The following DHRS9 variants were observed in gnomAD, a reference collection of about 807,000 sequenced individuals.
DHRS9 encodes dehydrogenase/reductase SDR family member 9.
A neutral mutation model predicts 26.6 loss-of-function variants in DHRS9; 18 were observed. The observed-to-expected ratio is 0.68, with a 90% confidence interval of 0.47 to 1.00. The LOEUF (loss-of-function observed/expected upper bound fraction) is 1.00, where lower values mean the gene tolerates loss of function less well. Among genes scored for constraint, DHRS9 ranks in the 50% least tolerant of loss-of-function variants. The probability of loss-of-function intolerance (pLI) is 0.00; values close to 1 mark genes in which losing one functional copy is unlikely to be tolerated. For synonymous variants in DHRS9, 134 were observed against 141.1 expected (o/e 0.95, Z 0.36); for missense variants, 425 against 378.7 (o/e 1.12, Z -1.01).
rs534007661 is a variant in DHRS9 at position 169,092,063 on chromosome 2, G to T, written c.736+110G>T. On this transcript the variant is annotated intron_variant, in intron 4 of 4. Coordinates refer to ENST00000674881, the MANE Select transcript of DHRS9 (RefSeq NM_001376924.1). ...AGGTTCTGAGTAATACCCCAATAAG[G>T]ATCTTAACCATGGATCAGGGATCTC... 7.6e-6 allele frequency: 9 copies of T among 1,191,086 alleles called. No homozygotes were observed. In the South Asian group the frequency reaches 1.5e-4, roughly 20 times the overall value. The allele number at this position is 1,191,086 out of a possible 1,614,324, so 73.8% of individuals were successfully genotyped here. A position where few individuals can be genotyped will look rare whatever the true frequency, so the allele number is the denominator to read the frequency against.
At chr2:169,069,308 ATTTC>A (rs1683733176), upstream of DHRS9, 2 of 581,428 alleles carry the variant, frequency 3.4e-6, no homozygotes, top group Non-Finnish European at 2.2e-6. Context: ...CAAAATATTT[ATTTC>A]TTTGTTATAT....
chr2:169,086,025 T>C (rs755576450), intron 3 of DHRS9, among the ~76,000 whole-genome samples: 7 of 152,164 alleles, frequency 4.6e-5, no homozygotes, highest in Non-Finnish European at 2.9e-5. Flanking sequence ...ACTTGGATAT[T>C]GGTGTCTTCC....
intron 1 of DHRS9, among the ~76,000 whole-genome samples, chr2:169,072,183 C>T (rs1208309539): frequency 6.6e-6 from 1 of 152,076 alleles, no homozygotes; most frequent in Non-Finnish European, 1.5e-5. Context: ...TGCAAGAGAA[C>T]TCCAAAAAGA....
Position 169,080,634 on chromosome 2 carries a change from G to A in DHRS9, c.-59-889G>A, listed in dbSNP as rs1410843614. Among the ~76,000 whole-genome samples, 3 of 152,230 alleles carry A rather than the reference G, an allele frequency of 2.0e-5. No individual in the cohort carries two copies. The East Asian group carries it at 5.8e-4, about 29-fold the overall frequency. On this transcript the variant is annotated intron_variant, in intron 1 of 4. Transcript: ENST00000674881. Reference sequence around the variant, plus strand: ...AGGAAAGAAAGCCCTCTACCTGCCTGATTTTAGGCCCTAGGCTACCTCTAG... The same window carrying A: ...AGGAAAGAAAGCCCTCTACCTGCCTAATTTTAGGCCCTAGGCTACCTCTAG...
chr2:169,072,564 T>G, intron 1 of DHRS9: 1 of 980,462 alleles, frequency 1.0e-6, no homozygotes, highest in Non-Finnish European at 1.2e-6. Context: ...CTATTTTAAC[T>G]TTTTTACTAG....
In DHRS9 at chr2:169,095,712, A is replaced by C. The variant is rs1444077451; in HGVS notation, c.905A>C (p.Gln302Pro). Residue 302 changes from glutamine to proline, a missense_variant, in exon 5 of 5, where the codon CAA becomes CCA. Coordinates refer to ENST00000674881, the MANE Select transcript of DHRS9 (RefSeq NM_001376924.1). ...IPLSHMPAALQDFLLLKQKAE... is the reference protein window; with the variant it reads ...IPLSHMPAALPDFLLLKQKAE... ...CTGTCTCACATGCCAGCAGCTTTGCAAGACTTTTTATTGTTGAAACAGAAA... is the reference window on the plus strand; with the variant it reads ...CTGTCTCACATGCCAGCAGCTTTGCCAGACTTTTTATTGTTGAAACAGAAA... 14 of 1,613,846 alleles carry C rather than the reference A, an allele frequency of 8.7e-6. No homozygotes were observed. Among genetic ancestry groups the C allele is most frequent in the Non-Finnish European group, 1.2e-5 (14 of 1,179,900 alleles).
At chr2:169,083,693 T>C (rs1375312710) in intron 3 of DHRS9, 106 bp downstream of exon 3, 2 of 1,347,944 alleles carry the variant, frequency 1.5e-6, no homozygotes, top group East Asian at 2.5e-5. Flanking sequence ...TCTACCATAT[T>C]TATCTCTAAT....
chr2:169,079,898 G>A (rs140952041), intron 1 of DHRS9, among the ~76,000 whole-genome samples: 2,021 of 48,576 alleles, frequency 0.042, 95 homozygotes, highest in East Asian at 0.13. Context: ...AGAGAGAGAG[G>A]GAGGGAGGGA....
intron 4 of DHRS9, among the ~76,000 whole-genome samples, chr2:169,094,845 T>A (rs1684644640): frequency 6.6e-6 from 1 of 152,192 alleles, no homozygotes. Flanking sequence ...CCACCACTAA[T>A]CCCTTGTAAA....
At position 169,086,915 on chromosome 2, in the gene DHRS9, T is replaced by C. The variant is rs1331914522; in HGVS notation, c.572+3328T>C. On this transcript the variant is annotated intron_variant, in intron 3 of 4. Coordinates refer to ENST00000674881, the MANE Select transcript of DHRS9 (RefSeq NM_001376924.1). ...GGTGGAAGAGTGACACAAGCACTCC[T>C]GACCACCATCATTGGGACTGCACTG... 3.3e-5 allele frequency among the ~76,000 whole-genome samples: 5 copies of C among 152,192 alleles called. 1 individual carries two copies. In the South Asian group the frequency reaches 1.0e-3, roughly 31 times the overall value.
upstream of DHRS9, among the ~76,000 whole-genome samples, chr2:169,069,222 A>C (rs879376465): frequency 5.3e-5 from 8 of 152,204 alleles, no homozygotes; most frequent in Admixed American, 5.2e-4. Flanking sequence ...AGGCATGCTA[A>C]CAGGAAGGAA....
At chr2:169,069,306 TTA>T (rs776031204), upstream of DHRS9, 46 of 574,134 alleles carry the variant, frequency 8.0e-5, no homozygotes, top group Non-Finnish European at 9.0e-5. Flanking sequence ...TACAAAATAT[TTA>T]TTTCTTTGTT....
intron 1 of DHRS9, among the ~76,000 whole-genome samples, chr2:169,073,489 C>A (rs967945359): frequency 6.6e-6 from 1 of 152,130 alleles, no homozygotes; most frequent in Non-Finnish European, 1.5e-5. Context: ...CATAGATTTG[C>A]TAGGAGGATA....
upstream of DHRS9, among the ~76,000 whole-genome samples, chr2:169,068,799 A>G (rs1162715072): frequency 6.6e-6 from 1 of 152,188 alleles, no homozygotes; most frequent in Non-Finnish European, 1.5e-5. Context: ...AAAATGAAAA[A>G]TCAGCAAAGT....
intron 1 of DHRS9, among the ~76,000 whole-genome samples, chr2:169,071,063 CAAA>C (rs568589600): frequency 7.5e-6 from 1 of 133,194 alleles, no homozygotes; most frequent in South Asian, 2.5e-4. Flanking sequence ...GACTCCGTCT[CAAA>C]AAAAAAAAAC....
intron 3 of DHRS9, among the ~76,000 whole-genome samples, chr2:169,087,308 CT>C (rs1370836908): frequency 6.6e-6 from 1 of 152,202 alleles, no homozygotes; most frequent in African/African-American, 2.4e-5. Context: ...CCAATGTTTA[CT>C]CAAAGCCCAA....
upstream of DHRS9, chr2:169,067,283 C>T: frequency 1.3e-6 from 2 of 1,534,670 alleles, 1 homozygote; most frequent in South Asian, 2.4e-5. Flanking sequence ...TGCTTTCCTC[C>T]AGTTGAAGCT....
intron 4 of DHRS9, among the ~76,000 whole-genome samples, chr2:169,092,958 A>G (rs1314674327): frequency 6.6e-6 from 1 of 152,160 alleles, no homozygotes; most frequent in African/African-American, 2.4e-5. Context: ...CTAGATTTGG[A>G]CCCAGGCAGC....
At chr2:169,070,514 A>G (rs1385435195) in intron 1 of DHRS9, 7 of 985,338 alleles carry the variant, frequency 7.1e-6, no homozygotes, top group Non-Finnish European at 8.4e-6. Context: ...TGTACTATTT[A>G]TCCTAGTATC....
Sources: gnomAD v4.1 joint callset for allele counts (sites outside exome capture counted in the v4.1 genomes callset) on GRCh38, gnomAD v4.1.1 for gene constraint, MANE v1.5 for transcripts, NCBI Gene and HGNC (gene_info 2026-07-23, HGNC 2026-07-21) for gene names.